The following VPS13A variants were observed in gnomAD, a reference collection of about 807,000 sequenced individuals.
VPS13A encodes the protein intermembrane lipid transfer protein VPS13A.
A neutral mutation model predicts 390.9 loss-of-function variants in VPS13A; 264 were observed. That is an observed-to-expected ratio of 0.68 (90% confidence interval 0.61 to 0.75). VPS13A has a LOEUF of 0.75. Ranked by LOEUF, VPS13A falls within the 30% of genes least tolerant of loss-of-function variation. VPS13A has a pLI of 0.00. For missense variants in VPS13A, 3,409 were observed against 3,733.9 expected (o/e 0.91, Z 2.27); for synonymous variants, 1,231 against 1,227.1 (o/e 1.00, Z -0.07).
intron 20 of VPS13A, among the ~76,000 whole-genome samples, chr9:77,248,373 G>A (rs913493511): frequency 2.0e-5 from 3 of 151,594 alleles, no homozygotes; most frequent in Non-Finnish European, 2.9e-5. Context: ...CCGCCACCAC[G>A]CCCGGCTAAT....
chr9:77,200,302 C>T (rs1172158211), intron 2 of VPS13A, among the ~76,000 whole-genome samples: 5 of 152,032 alleles, frequency 3.3e-5, no homozygotes, highest in African/African-American at 1.2e-4. Flanking sequence ...GCCTGGCCAA[C>T]ATGGTGAAAC....
intron 57 of VPS13A, 60 bp downstream of exon 57, chr9:77,358,498 A>G: frequency 7.2e-7 from 1 of 1,387,254 alleles, no homozygotes; most frequent in Non-Finnish European, 1.0e-6. Flanking sequence ...GATTTACTTT[A>G]CTATAAAAAT....
At chr9:77,382,723 C>G (rs1833505964) in intron 68 of VPS13A, 2 of 987,312 alleles carry the variant, frequency 2.0e-6, no homozygotes, top group Admixed American at 6.1e-5. Flanking sequence ...GGCCATGACC[C>G]TCTTCCTGCT....
intron 23 of VPS13A, among the ~76,000 whole-genome samples, chr9:77,263,404 G>A (rs1329809137): frequency 6.6e-6 from 1 of 151,924 alleles, no homozygotes; most frequent in Non-Finnish European, 1.5e-5. Flanking sequence ...ACTGAGCCCG[G>A]CCCCTTTTCC....
chr9:77,184,054 C>T (rs1403202283), intron 1 of VPS13A, among the ~76,000 whole-genome samples: 1 of 152,086 alleles, frequency 6.6e-6, no homozygotes, highest in Non-Finnish European at 1.5e-5. Flanking sequence ...GCAATATTTG[C>T]TTAGTTTTTT....
At chr9:77,317,412 G>A (rs1474280372) in intron 39 of VPS13A, among the ~76,000 whole-genome samples, 194 bp from the exon 40 acceptor site, 2 of 151,842 alleles carry the variant, frequency 1.3e-5, no homozygotes, top group Non-Finnish European at 2.9e-5. Context: ...CTATTACTGT[G>A]GAAGAATAGA....
chr9:77,211,108 A>C (rs1825952758), intron 7 of VPS13A: 1 of 166,314 alleles, frequency 6.0e-6, no homozygotes, highest in African/African-American at 2.4e-5. Flanking sequence ...ATATAAGAAC[A>C]TGTAGAGAAT....
chr9:77,337,559 G>A, intron 47 of VPS13A, 22 bp downstream of exon 47: 1 of 1,600,592 alleles, frequency 6.2e-7, no homozygotes, highest in South Asian at 1.1e-5. Context: ...CTGATTTAGT[G>A]CCTTCCTGTT....
intron 38 of VPS13A, 44 bp downstream of exon 38, chr9:77,315,514 G>T (rs1457190851): frequency 1.3e-6 from 2 of 1,556,596 alleles, no homozygotes; most frequent in Admixed American, 3.4e-5. Flanking sequence ...TTATTGAAGT[G>T]CTACAACAGG....
rs778065994 is a variant in VPS13A, at chr9:77,358,442, T to G, written c.8035+4T>G. On this transcript the variant is annotated splice_donor_region_variant and intron_variant, in intron 57 of 71. Transcript: ENST00000360280. ...AAGTCGGTCACCATGGATTCAGGTTTGTTTTTATTTTTAGATTTCCATAAA... is the reference window on the plus strand; with the variant it reads ...AAGTCGGTCACCATGGATTCAGGTTGGTTTTTATTTTTAGATTTCCATAAA... 1.9e-6 allele frequency: 3 copies of G among 1,610,734 alleles called. No individual in the cohort carries two copies. The highest frequency in any genetic ancestry group is 2.5e-6 in the Non-Finnish European group (3 of 1,177,732).
At chr9:77,290,871 A>G (rs1377576989) in intron 31 of VPS13A, among the ~76,000 whole-genome samples, 4 of 152,210 alleles carry the variant, frequency 2.6e-5, no homozygotes, top group Admixed American at 2.6e-4. Flanking sequence ...TACCATATTA[A>G]TCATAGTAAT....
chr9:77,408,100 G>A (rs1281791937), intron 71 of VPS13A, among the ~76,000 whole-genome samples: 2 of 152,164 alleles, frequency 1.3e-5, no homozygotes, highest in Non-Finnish European at 2.9e-5. Flanking sequence ...CTTGCAGAAG[G>A]TCAACTAAGC....
At chr9:77,315,549 A>T in intron 38 of VPS13A, 79 bp downstream of exon 38, 1 of 1,323,188 alleles carries the variant, frequency 7.6e-7, no homozygotes, top group Non-Finnish European at 1.1e-6. Context: ...AGCCTTTTAG[A>T]TCATCAAAGT....
intron 26 of VPS13A, among the ~76,000 whole-genome samples, chr9:77,276,526 C>T (rs1826680935): frequency 6.6e-6 from 1 of 152,174 alleles, no homozygotes; most frequent in African/African-American, 2.4e-5. Context: ...TTACCACAAA[C>T]TTAGTGCTTA....
intron 65 of VPS13A, 68 bp downstream of exon 65, chr9:77,370,646 A>C: frequency 1.3e-6 from 2 of 1,596,684 alleles, no homozygotes; most frequent in South Asian, 2.2e-5. Flanking sequence ...ATTTGCGAAT[A>C]AGGAAATAGA....
In VPS13A at chr9:77,332,127, A is replaced by G. The variant is rs1830308815; in HGVS notation, c.6095+14A>G. ...AGGATCTTACCGGTATTTTGTCTTTATCATTTTATTTACTCTAAAATCTCT... is the reference window on the plus strand; with the variant it reads ...AGGATCTTACCGGTATTTTGTCTTTGTCATTTTATTTACTCTAAAATCTCT... On this transcript the variant is annotated intron_variant, in intron 46 of 71. Coordinates refer to ENST00000360280, the MANE Select transcript of VPS13A (RefSeq NM_033305.3). 1 of 1,587,678 alleles carries G rather than the reference A, an allele frequency of 6.3e-7. No individual in the cohort carries two copies. The highest frequency in any genetic ancestry group is 1.3e-5 in the African/African-American group (1 of 74,370).
intron 13 of VPS13A, among the ~76,000 whole-genome samples, chr9:77,222,333 A>T (rs563705853): frequency 6.6e-6 from 1 of 152,226 alleles, no homozygotes; most frequent in South Asian, 2.1e-4. Context: ...GGTTGTAGTT[A>T]CTTCTCTTGG....
chr9:77,227,579 G>A (rs1823586633), intron 16 of VPS13A, 94 bp downstream of exon 16: 7 of 980,038 alleles, frequency 7.1e-6, no homozygotes, highest in East Asian at 5.3e-5. Context: ...CTGGACTGCA[G>A]TGGTGTGATC....
At chr9:77,302,789 C>T in intron 33 of VPS13A, 126 bp from the exon 34 acceptor site, 2 of 1,009,206 alleles carry the variant, frequency 2.0e-6, no homozygotes, top group Non-Finnish European at 2.9e-6. Context: ...TAGATATTTT[C>T]CCTTTATACC....
Sources: gnomAD v4.1 joint callset for allele counts (sites outside exome capture counted in the v4.1 genomes callset) on GRCh38, gnomAD v4.1.1 for gene constraint, MANE v1.5 for transcripts, NCBI Gene and HGNC (gene_info 2026-07-23, HGNC 2026-07-21) for gene names.